Variants in ATL2 observed in about 807,000 individuals in gnomAD.
ATL2 encodes atlastin-2.
In ATL2, 31 loss-of-function variants were observed where a neutral mutation model predicts 73.9. The observed-to-expected ratio is 0.42, with a 90% CI of 0.32 to 0.57. The LOEUF is 0.57. ATL2 is among the 20% of genes least tolerant of loss of function. The pLI is 0.14. For missense variants in ATL2, 738 were observed against 702.6 expected (o/e 1.05, Z -0.57); for synonymous variants, 291 against 237.5 (o/e 1.23, Z -2.07).
intron 9 of ATL2, 29 bp downstream of exon 9, chr2:38,309,350 T>C: frequency 6.4e-7 from 1 of 1,572,296 alleles, no homozygotes; most frequent in African/African-American, 1.4e-5. Flanking sequence ...ATTTCTATCT[T>C]AGACAAAACT....
intron 12 of ATL2, chr2:38,296,386 T>C (rs1666894373): frequency 6.6e-7 from 1 of 1,521,392 alleles, no homozygotes. Context: ...CTGGTATGTA[T>C]ACAGCATTTA....
chr2:38,307,657 G>C (rs914290863), intron 9 of ATL2, among the ~76,000 whole-genome samples: 1 of 152,078 alleles, frequency 6.6e-6, no homozygotes. Context: ...CATCAGAAAA[G>C]TGAAGACGCA....
intron 1 of ATL2, among the ~76,000 whole-genome samples, chr2:38,352,230 A>G (rs1208109249): frequency 2.0e-5 from 3 of 149,936 alleles, no homozygotes; most frequent in Non-Finnish European, 4.4e-5. Flanking sequence ...TCTATTTTGC[A>G]TTTTTTAAAA....
At position 38,321,421 on chromosome 2, in the gene ATL2, A is replaced by T. The variant is rs1668314294; in HGVS notation, c.364-2402T>A. 2.0e-5 allele frequency among the ~76,000 whole-genome samples: 3 copies of T among 152,268 alleles called. No homozygotes were observed. The South Asian group carries it at 6.2e-4, about 32-fold the overall frequency. ...CACCTGAGACAATTCCATTCACAGTATATATGATGGACTTGTGTTTCAGGA... is the reference window on the plus strand; with the variant it reads ...CACCTGAGACAATTCCATTCACAGTTTATATGATGGACTTGTGTTTCAGGA... On this transcript the variant is annotated intron_variant, in intron 2 of 12. Coordinates refer to ENST00000378954, the MANE Select transcript of ATL2 (RefSeq NM_001135673.4).
At chr2:38,353,443 G>C (rs1670474803) in intron 1 of ATL2, among the ~76,000 whole-genome samples, 1 of 152,166 alleles carries the variant, frequency 6.6e-6, no homozygotes, top group South Asian at 2.1e-4. Context: ...AACTAAGAGA[G>C]TCTCACGAAC....
At chr2:38,376,995 TAGGCCCGGCGGGC>T (rs1395600586) in intron 1 of ATL2, 135 bp downstream of exon 1, 6 of 555,922 alleles carry the variant, frequency 1.1e-5, no homozygotes, top group African/African-American at 2.0e-5. Flanking sequence ...CGGCTGAGGC[TAGGCCCGGCGGGC>T]AGGCGCGGCG....
intron 9 of ATL2, among the ~76,000 whole-genome samples, chr2:38,303,364 C>T (rs1182925310): frequency 6.6e-6 from 1 of 152,046 alleles, no homozygotes; most frequent in East Asian, 1.9e-4. Flanking sequence ...CGCCATCATG[C>T]CTGGCTAATT....
Position 38,366,662 on chromosome 2 carries a change from A to G in ATL2, c.118+10481T>C, listed in dbSNP as rs376413970. On this transcript the variant is annotated intron_variant, in intron 1 of 12. Transcript: ENST00000378954. ...CACGGCAATTTCTACTTCAGAACAT[A>G]TAAGCTTAACGATAAACTTAACTCA... Among the ~76,000 whole-genome samples the G allele has an allele frequency of 3.0e-4, 46 of 152,316 alleles. 2 individuals carry two copies. The South Asian group carries it at 9.1e-3, about 30-fold the overall frequency.
At chr2:38,359,771 T>C (rs982797904) in intron 1 of ATL2, among the ~76,000 whole-genome samples, 10 of 152,144 alleles carry the variant, frequency 6.6e-5, no homozygotes, top group Admixed American at 1.3e-4. Flanking sequence ...CCCCAAAGTT[T>C]GTCATCAAAT....
At chr2:38,342,449 A>T (rs1669779091) in intron 2 of ATL2, among the ~76,000 whole-genome samples, 1 of 152,226 alleles carries the variant, frequency 6.6e-6, no homozygotes, top group South Asian at 2.1e-4. Flanking sequence ...AGAATACCAT[A>T]ATATTTGAGG....
rs114277462 is a variant in ATL2 at position 38,341,505 on chromosome 2, G to C, written c.363+1763C>G. Among the ~76,000 whole-genome samples the C allele has an allele frequency of 3.9e-5, 6 of 152,116 alleles. No homozygotes were observed. The East Asian group carries it at 1.2e-3, about 29-fold the overall frequency. ...ATTTAAAAATCAGCCAAGCATTGTG[G>C]TGCATGCCTGTAGTGCCAGCTACTT... On this transcript the variant is annotated intron_variant, in intron 2 of 12. Coordinates refer to ENST00000378954, the MANE Select transcript of ATL2 (RefSeq NM_001135673.4).
intron 7 of ATL2, among the ~76,000 whole-genome samples, chr2:38,312,549 A>G (rs1276615623): frequency 6.6e-6 from 1 of 152,086 alleles, no homozygotes; most frequent in African/African-American, 2.4e-5. Flanking sequence ...TCTCTGCTAA[A>G]AAATACAAAA....
chr2:38,325,408 T>G (rs991034712), intron 2 of ATL2, among the ~76,000 whole-genome samples: 2 of 152,012 alleles, frequency 1.3e-5, no homozygotes, highest in African/African-American at 4.8e-5. Flanking sequence ...TTCAATGAAT[T>G]GTCAGAAGCT....
intron 2 of ATL2, among the ~76,000 whole-genome samples, chr2:38,335,657 G>C (rs1257153463): frequency 6.6e-6 from 1 of 150,758 alleles, no homozygotes; most frequent in Non-Finnish European, 1.5e-5. Flanking sequence ...TGTTCTGAGA[G>C]ACAGTGGTTA....
In ATL2 at chr2:38,314,670, A is replaced by T. The variant is rs1667933778; in HGVS notation, c.655-6T>A. ...CTTCCATACTCTGTAAATAACTATT[A>T]AATAGAGTTAGTTAAAATAATGCCT... On this transcript the variant is annotated splice_polypyrimidine_tract_variant and splice_region_variant and intron_variant, in intron 5 of 12. Coordinates refer to ENST00000378954, the MANE Select transcript of ATL2 (RefSeq NM_001135673.4). 6.4e-7 allele frequency: 1 copy of T among 1,562,966 alleles called. No individual in the cohort carries two copies. Among genetic ancestry groups the T allele is most frequent in the East Asian group, 2.3e-5 (1 of 44,404 alleles).
rs188026569 is a variant in ATL2 at position 38,364,002 on chromosome 2, G to A, written c.118+13141C>T. On this transcript the variant is annotated intron_variant, in intron 1 of 12. Coordinates refer to ENST00000378954, the MANE Select transcript of ATL2 (RefSeq NM_001135673.4). ...GTCTAGGCCGGGCACAGTGGCTCAC[G>A]CCTGTAATCCCAGCACTTTGGGAGG... Among the ~76,000 whole-genome samples, 221 of 152,286 alleles carry A rather than the reference G, an allele frequency of 1.5e-3. 2 individuals are homozygous for A. Among genetic ancestry groups the A allele is most frequent in the African/African-American group, 5.0e-3 (208 of 41,552 alleles).
chr2:38,328,879 G>C (rs1668816378), intron 2 of ATL2, among the ~76,000 whole-genome samples: 1 of 151,360 alleles, frequency 6.6e-6, no homozygotes, highest in African/African-American at 2.4e-5. Flanking sequence ...ACAAATCAGT[G>C]AAACAAAAAA....
chr2:38,367,906 T>A (rs1465583076), intron 1 of ATL2, among the ~76,000 whole-genome samples: 1 of 151,050 alleles, frequency 6.6e-6, no homozygotes, highest in African/African-American at 2.4e-5. Context: ...GTGCTGGGAT[T>A]ACAAACGTAA....
intron 2 of ATL2, among the ~76,000 whole-genome samples, chr2:38,333,866 G>A (rs977115310): frequency 1.3e-5 from 2 of 151,982 alleles, no homozygotes; most frequent in Non-Finnish European, 2.9e-5. Context: ...CTCTAGCTTT[G>A]GTAACATTTG....
Sources: gnomAD v4.1 joint callset for allele counts (sites outside exome capture counted in the v4.1 genomes callset) on GRCh38, gnomAD v4.1.1 for gene constraint, MANE v1.5 for transcripts, NCBI Gene and HGNC (gene_info 2026-07-23, HGNC 2026-07-21) for gene names.